GRIP2: variants seen among roughly 807,000 people sequenced by gnomAD.
The protein encoded by GRIP2 is glutamate receptor interacting protein 2.
Under a neutral mutation model 108.3 loss-of-function variants are expected in GRIP2, and 58 were observed. That is an observed-to-expected ratio of 0.54 (90% CI 0.43 to 0.67). The LOEUF (loss-of-function observed/expected upper bound fraction) is 0.67. Among genes scored for constraint, GRIP2 ranks in the 30% least tolerant of loss-of-function variants. GRIP2 has a pLI of 0.00. For missense variants in GRIP2, 1,278 were observed against 1,430.6 expected, an observed-to-expected ratio of 0.89 and a Z score of 1.72; for synonymous variants, 586 against 598.2, an observed-to-expected ratio of 0.98 and a Z score of 0.30.
At chr3:14,599,793 C>T in the GRIP2 span, among the ~76,000 whole-genome samples, 4 of 151,522 alleles carry the variant, frequency 2.6e-5, no homozygotes, top group Non-Finnish European at 5.9e-5. Context: ...TCAAGTTACC[C>T]CCAATCCCTC....
At chr3:14,599,679 CTCTCTCTG>C in the GRIP2 span, among the ~76,000 whole-genome samples, 13 of 107,048 alleles carry the variant, frequency 1.2e-4, no homozygotes, top group African/African-American at 3.4e-4. Context: ...CTCTCTCTCT[CTCTCTCTG>C]TGTGTGTGTG....
chr3:14,558,063 G>C (rs1695263856), upstream of GRIP2, among the ~76,000 whole-genome samples: 1 of 152,212 alleles, frequency 6.6e-6, no homozygotes, highest in African/African-American at 2.4e-5. Context: ...GGCCCAGTGA[G>C]GTGAAGGCAG....
chr3:14,493,197 A>C lies in GRIP2; in HGVS notation c.*468T>G, dbSNP rs377754361. ...CATCATGGGAATGCCTCATACCCCA[A>C]TGCATGACTGCGCTGGGGTATCCAG... is the stretch of plus-strand genomic sequence containing the variant. On this transcript the variant is annotated 3_prime_UTR_variant, in exon 24 of 24. Coordinates refer to ENST00000621039, the MANE Select transcript of GRIP2 (RefSeq NM_001080423.4). 1.9e-5 allele frequency: 3 copies of C among 157,178 alleles called. No individual in the cohort carries two copies. Among genetic ancestry groups the C allele is most frequent in the Non-Finnish European group, 2.8e-5 (2 of 71,566 alleles). The allele number at this position is 157,178 out of a possible 1,614,324, so 9.7% of individuals were successfully genotyped here.
the GRIP2 span, among the ~76,000 whole-genome samples, chr3:14,584,145 C>T: frequency 6.6e-6 from 1 of 152,200 alleles, no homozygotes; most frequent in Non-Finnish European, 1.5e-5. Context: ...AGTAGCTCAG[C>T]TCAAGTCACA....
intron 20 of GRIP2, among the ~76,000 whole-genome samples, chr3:14,504,540 G>A (rs373716817): frequency 6.6e-6 from 1 of 152,018 alleles, no homozygotes; most frequent in Non-Finnish European, 1.5e-5. Context: ...TCGATCTCCC[G>A]ACCTCGTGAT....
In GRIP2 at chr3:14,511,338, G is replaced by T; in HGVS notation, c.1788-28C>A. 1.2e-6 allele frequency: 2 copies of T among 1,613,998 alleles called. No individual in the cohort carries two copies. Among genetic ancestry groups the T allele is most frequent in the Non-Finnish European group, 1.7e-6 (2 of 1,179,874 alleles). On this transcript the variant is annotated intron_variant, in intron 15 of 23. Transcript: ENST00000621039. This position sits in a 1 kb window ranked among gnomAD's most constrained non-coding sequence, Gnocchi z 4.1. ...GCATGAGTCGGGGGCAGAGGGGATG[G>T]AAGGAGCCTGGTGCATGCAGGTGCC...
intron 1 of GRIP2, among the ~76,000 whole-genome samples, chr3:14,534,990 G>A (rs1694800716): frequency 6.6e-6 from 1 of 152,102 alleles, no homozygotes. Flanking sequence ...CCTGTTCTGT[G>A]AGCCTCCTGG....
the GRIP2 span, among the ~76,000 whole-genome samples, chr3:14,586,208 C>T: frequency 1.3e-5 from 2 of 152,318 alleles, no homozygotes; most frequent in South Asian, 2.1e-4. Context: ...CTGACTACCC[C>T]ATCAACTTCT....
intron 1 of GRIP2, among the ~76,000 whole-genome samples, chr3:14,532,192 C>T (rs1332545653): frequency 6.6e-6 from 1 of 152,262 alleles, no homozygotes; most frequent in African/African-American, 2.4e-5. Context: ...CCCTCCCATC[C>T]TCAGCGGCAG....
the GRIP2 span, among the ~76,000 whole-genome samples, chr3:14,590,797 G>A: frequency 1.3e-5 from 2 of 152,204 alleles, no homozygotes; most frequent in African/African-American, 4.8e-5. Flanking sequence ...AAAGGGGCTG[G>A]GTGGAGAGTA....
chr3:14,573,726 C>CG, the GRIP2 span: 8 of 1,443,164 alleles, frequency 5.5e-6, no homozygotes, highest in Non-Finnish European at 7.8e-6. Flanking sequence ...TGGCCACTCA[C>CG]GGGGGTCCTC....
upstream of GRIP2, among the ~76,000 whole-genome samples, chr3:14,544,558 CA>C (rs1479286204): frequency 1.3e-5 from 2 of 152,202 alleles, no homozygotes; most frequent in Non-Finnish European, 2.9e-5. Flanking sequence ...CTGAGCCCAC[CA>C]GGGGCCCTGA....
At chr3:14,573,902 G>C in the GRIP2 span, 1 of 1,162,348 alleles carries the variant, frequency 8.6e-7, no homozygotes, top group Non-Finnish European at 1.3e-6. Context: ...CCGACCTGTC[G>C]TTGTGCATGC....
upstream of GRIP2, chr3:14,542,032 C>T (rs764447397): frequency 3.0e-6 from 4 of 1,352,888 alleles, no homozygotes; most frequent in South Asian, 4.7e-5. Flanking sequence ...ACCCCACTCG[C>T]CTCCATTCCC....
chr3:14,523,514 T>G, intron 5 of GRIP2, 98 bp downstream of exon 5: 1 of 809,610 alleles, frequency 1.2e-6, no homozygotes, highest in East Asian at 2.7e-5. Flanking sequence ...AGAACTGAGA[T>G]ACACATAAAT....
the GRIP2 span, among the ~76,000 whole-genome samples, chr3:14,567,864 T>C: frequency 6.6e-6 from 1 of 151,978 alleles, no homozygotes; most frequent in Non-Finnish European, 1.5e-5. Context: ...TGAAGAAAAA[T>C]GAAGTGGTGT....
the GRIP2 span, chr3:14,573,565 T>A: frequency 6.9e-7 from 1 of 1,442,950 alleles, no homozygotes; most frequent in Non-Finnish European, 9.7e-7. Context: ...TAGCCCCTCA[T>A]GAAGTCACAG....
chr3:14,602,443 G>A, the GRIP2 span, among the ~76,000 whole-genome samples: 1 of 152,144 alleles, frequency 6.6e-6, no homozygotes, highest in East Asian at 1.9e-4. The surrounding 1 kb of genome is among the most constrained non-coding windows in gnomAD (Gnocchi z 4.7). Flanking sequence ...GGAAAGTTGG[G>A]TGCGACGGAC....
Position 14,523,015 on chromosome 3 carries a change from C to T in GRIP2, c.551G>A (p.Gly184Asp), listed in dbSNP as rs1468762054. 1 of 1,613,784 alleles carries T rather than the reference C, an allele frequency of 6.2e-7. No homozygotes were observed. Residue 184 changes from glycine (G) to aspartate (D), a missense_variant, in exon 6 of 24, where the codon GGT becomes GAT. By Grantham distance (94) the Gly-to-Asp change is moderately conservative. Transcript: ENST00000621039. ...RPLVLTYVRP[G>D]GPADREGSLK... Reference sequence around the variant, plus strand: ...CTCGGCTCACCTGTCGGCAGGGCCACCGGGCCGCACGTAGGTCAGGACAAG... The same window carrying T: ...CTCGGCTCACCTGTCGGCAGGGCCATCGGGCCGCACGTAGGTCAGGACAAG...
Sources: allele counts gnomAD v4.1 joint callset (sites outside exome capture counted in the v4.1 genomes callset), GRCh38; gene constraint gnomAD v4.1.1; non-coding constraint Gnocchi (gnomAD v3.1); transcripts MANE v1.5; gene names NCBI Gene and HGNC (gene_info 2026-07-23, HGNC 2026-07-21).